The following HRAS variants were observed in gnomAD, a reference collection of about 807,000 sequenced individuals.
The protein encoded by HRAS is HRas proto-oncogene, GTPase, also known as GTPase HRas.
HRAS carries 11 observed loss-of-function variants against 19.8 expected under a neutral mutation model. That is an observed-to-expected ratio of 0.55 (90% CI 0.35 to 0.92). The LOEUF (loss-of-function observed/expected upper bound fraction) is 0.92, where lower values mean the gene tolerates loss of function less well. HRAS is among the 40% of genes least tolerant of loss of function. The pLI is 0.01. For missense variants in HRAS, 204 were observed against 255.9 expected (o/e 0.80, Z 1.38); for synonymous variants, 149 against 105.5 (o/e 1.41, Z -2.52).
At position 535,502 on chromosome 11, in the gene HRAS, C is replaced by A. The variant is rs1361088774; in HGVS notation, c.-140G>T. On this transcript the variant is annotated 5_prime_UTR_variant, in exon 1 of 6. The change abolishes an upstream ATG in the 5' untranslated region. Transcript: ENST00000311189. The stretch of plus-strand genomic sequence containing the variant: ...GCGGGGGCGCGCGGTTCGCCCCGCG[C>A]ATGGGCTCCGTCCGCGGCGGGTGCG... The A allele has an allele frequency of 1.4e-5, 2 of 147,768 alleles. No homozygotes were observed. The highest frequency in any genetic ancestry group is 2.4e-5 in the African/African-American group (1 of 40,898). The allele number at this position is 147,768 out of a possible 1,614,324, so 9.2% of individuals were successfully genotyped here.
rs2133990837 is a variant in HRAS, at chr11:533,860, C to T, written c.196G>A (p.Ala66Thr). Residue 66 changes from alanine (A) to threonine (T), a missense_variant, in exon 3 of 6, where the codon GCC becomes ACC. Around this residue, in one of 4 missense-constraint regions of HRAS, gnomAD observed 51 missense variants for 79.0 expected, o/e 0.65. Coordinates refer to ENST00000311189, the MANE Select transcript of HRAS (RefSeq NM_005343.4). ...LDTAGQEEYS[A>T]MRDQYMRTGE... ...GTGCGCATGTACTGGTCCCGCATGG[C>T]GCTGTACTCCTCCTGGCCGGCGGTA... 1.9e-6 allele frequency: 3 copies of T among 1,613,334 alleles called. No individual in the cohort carries two copies. Among genetic ancestry groups the T allele is most frequent in the Non-Finnish European group, 2.5e-6 (3 of 1,179,984 alleles).
intron 5 of HRAS, 37 bp downstream of exon 5, chr11:532,594 C>A: frequency 6.3e-7 from 1 of 1,595,834 alleles, no homozygotes; most frequent in Non-Finnish European, 8.5e-7. Flanking sequence ...CGGGGTCATC[C>A]GGTGGGCGTG....
intron 1 of HRAS, chr11:535,192 C>T (rs1423457517): frequency 1.3e-5 from 2 of 151,434 alleles, no homozygotes; most frequent in African/African-American, 4.8e-5. Context: ...GGGTGGGGCC[C>T]GGATTCCCGC....
rs1432150876 is a variant in HRAS at position 533,464 on chromosome 11, T to A, written c.439A>T (p.Lys147Ter). ...YGIPYIETSA[K>*]TRQGVEDAFY... Reference sequence around the variant, plus strand: ...GAGAGCTGCCTCACCTGCCGGGTCTTGGCCGAGGTCTCGATGTAGGGGATG... The same window carrying A: ...GAGAGCTGCCTCACCTGCCGGGTCTAGGCCGAGGTCTCGATGTAGGGGATG... Residue 147 changes from lysine to a stop codon, truncating the protein, a stop_gained, in exon 4 of 6, where the codon AAG (lysine) becomes TAG (stop). Coordinates refer to ENST00000311189, the MANE Select transcript of HRAS (RefSeq NM_005343.4). LOFTEE classifies it high-confidence loss of function. The A allele has an allele frequency of 1.2e-6, 2 of 1,613,142 alleles. No individual in the cohort carries two copies. Among genetic ancestry groups the A allele is most frequent in the Non-Finnish European group, 1.7e-6 (2 of 1,179,942 alleles).
At chr11:534,544 G>T in intron 1 of HRAS, 169 bp from the exon 2 acceptor site, 1 of 595,194 alleles carries the variant, frequency 1.7e-6, no homozygotes, top group East Asian at 2.8e-5. Flanking sequence ...CAGCGTGCGG[G>T]AGGGCTGTCG....
chr11:533,171 A>C, intron 4 of HRAS: 2 of 1,066,594 alleles, frequency 1.9e-6, no homozygotes, highest in Non-Finnish European at 2.7e-6. Context: ...AGCTCTCCCC[A>C]AGGACCTCCG....
rs1452785982 is a variant in HRAS, at chr11:534,369, G to C, written c.-47C>G. On this transcript the variant is annotated 5_prime_UTR_variant, in exon 2 of 6. Coordinates refer to ENST00000311189, the MANE Select transcript of HRAS (RefSeq NM_005343.4). ...CCGGGGTCCTCCTACAGGGTCTCCT[G>C]CCCCACCTGCCAAGGAGGGCCCTGC... The C allele has an allele frequency of 6.8e-7, 1 of 1,468,662 alleles. No individual in the cohort carries two copies. Among genetic ancestry groups the C allele is most frequent in the Admixed American group, 1.7e-5 (1 of 57,996 alleles). 91.0% of individuals were successfully genotyped at this position (1,468,662 alleles called of 1,614,324 possible).
Position 532,433 on chromosome 11 carries a change from T to C in HRAS, c.*95A>G. 2 of 698,362 alleles carry C rather than the reference T, an allele frequency of 2.9e-6. No homozygotes were observed. Among genetic ancestry groups the C allele is most frequent in the Non-Finnish European group, 4.7e-6 (2 of 424,008 alleles). 43.3% of individuals were successfully genotyped at this position (698,362 alleles called of 1,614,324 possible). ...CGGGGTGACTGGGCTCCAGCAGCCC[T>C]TCCTTCCTTCCTTGCTTCCGTCCTT... On this transcript the variant is annotated 3_prime_UTR_variant, in exon 6 of 6. Coordinates refer to ENST00000311189, the MANE Select transcript of HRAS (RefSeq NM_005343.4).
chr11:532,816 G>A (rs2133983038), intron 4 of HRAS, 61 bp from the exon 5 acceptor site: 1 of 1,540,502 alleles, frequency 6.5e-7, no homozygotes, highest in South Asian at 1.1e-5. Flanking sequence ...TGGGTGAGGG[G>A]CTCCCTGCTG....
At position 533,884 on chromosome 11, in the gene HRAS, T is replaced by G. The variant is rs770492627; in HGVS notation, c.172A>C (p.Thr58Pro). Reference sequence around the variant, plus strand: ...GCGCTGTACTCCTCCTGGCCGGCGGTATCCAGGATGTCCAACAGGCACGTC... The same window carrying G: ...GCGCTGTACTCCTCCTGGCCGGCGGGATCCAGGATGTCCAACAGGCACGTC... Reference protein sequence around the residue: ...GETCLLDILDTAGQEEYSAMR... With the variant: ...GETCLLDILDPAGQEEYSAMR... The change falls in exon 3 of 6, where the codon ACC (threonine) becomes CCC (proline). Residue 58 changes from threonine (T) to proline (P), a missense_variant. Thr to Pro is a conservative substitution (Grantham distance 38). Coordinates refer to ENST00000311189, the MANE Select transcript of HRAS (RefSeq NM_005343.4). 1.2e-6 allele frequency: 2 copies of G among 1,613,260 alleles called. No individual in the cohort carries two copies. The highest frequency in any genetic ancestry group is 1.7e-6 in the Non-Finnish European group (2 of 1,179,942).
At chr11:533,417 G>A (rs776562293) in intron 4 of HRAS, 36 bp downstream of exon 4, 6 of 1,607,408 alleles carry the variant, frequency 3.7e-6, no homozygotes, top group East Asian at 4.5e-5. Flanking sequence ...GGCGGGGCGG[G>A]TCCCTGGCTA....
Position 532,688 on chromosome 11 carries a change from G to A in HRAS, c.518C>T (p.Pro173Leu), listed in dbSNP as rs1171786943. ...GCAGCCGGGGCCACTCTCATCAGGA[G>A]GGTTCAGCTTCCGCAGCTTGTGCTG... Reference protein sequence around the residue: ...IRQHKLRKLNPPDESGPGCMS... With the variant: ...IRQHKLRKLNLPDESGPGCMS... Residue 173 changes from proline to leucine, a missense_variant, in exon 5 of 6, where the codon CCT becomes CTT. By Grantham distance (98) the Pro-to-Leu change is moderately conservative. This residue lies in a region of HRAS where 142 missense variants were observed against 141.1 expected (regional missense o/e 1.01). Coordinates refer to ENST00000311189, the MANE Select transcript of HRAS (RefSeq NM_005343.4). The A allele has an allele frequency of 1.2e-6, 2 of 1,613,182 alleles. No homozygotes were observed. The highest frequency in any genetic ancestry group is 2.2e-5 in the East Asian group (1 of 44,884).
chr11:534,486 A>C, intron 1 of HRAS, 111 bp from the exon 2 acceptor site: 1 of 627,012 alleles, frequency 1.6e-6, no homozygotes, highest in Non-Finnish European at 2.8e-6. Context: ...CTGGGCCCCA[A>C]CGCCAGGCAG....
In HRAS at chr11:533,609, C is replaced by T. The variant is rs1230645747; in HGVS notation, c.294G>A (p.Glu98=). ...CCGAGTCCTTCACCCGTTTGATCTG[C>T]TCCCTGAGAGGTGGAAAGCGAGAGC... The part of the protein sequence containing the change: ...KSFEDIHQYR[E]QIKRVKDSDD... Residue 98 remains glutamate, a synonymous_variant, in exon 4 of 6, where the codon GAG becomes GAA. Coordinates refer to ENST00000311189, the MANE Select transcript of HRAS (RefSeq NM_005343.4). 2.5e-6 allele frequency: 4 copies of T among 1,613,810 alleles called. No individual in the cohort carries two copies. The highest frequency in any genetic ancestry group is 2.7e-5 in the African/African-American group (2 of 75,048).
chr11:535,403 T>G lies in HRAS; in HGVS notation c.-54+13A>C, dbSNP rs1851429455. The G allele has an allele frequency of 6.9e-6, 1 of 145,968 alleles. No individual in the cohort carries two copies. The highest frequency in any genetic ancestry group is 6.8e-5 in the Admixed American group (1 of 14,670). 9.0% of individuals were successfully genotyped at this position (145,968 alleles called of 1,614,324 possible). Reference sequence around the variant, plus strand: ...GAGGGCGCGCGGCCCGGCCGATCCCTGCCCGCACTCACCGTTCACAGGCGC... The same window carrying G: ...GAGGGCGCGCGGCCCGGCCGATCCCGGCCCGCACTCACCGTTCACAGGCGC... On this transcript the variant is annotated intron_variant, in intron 1 of 5. Transcript: ENST00000311189.
intron 2 of HRAS, 45 bp from the exon 3 acceptor site, chr11:533,989 G>A (rs745342495): frequency 6.3e-7 from 1 of 1,591,288 alleles, no homozygotes. Flanking sequence ...ACCTTCCGTG[G>A]GGGGAGTTCA....
At chr11:534,440 G>A (rs969273308) in intron 1 of HRAS, 65 bp from the exon 2 acceptor site, 19 of 804,176 alleles carry the variant, frequency 2.4e-5, no homozygotes, top group South Asian at 6.1e-5. Flanking sequence ...GGCAGCTGCT[G>A]GCAGGGCCAT....
chr11:534,009 C>T (rs2133992617), intron 2 of HRAS, 65 bp from the exon 3 acceptor site: 2 of 1,544,254 alleles, frequency 1.3e-6, no homozygotes, highest in Non-Finnish European at 1.8e-6. Context: ...ACACAGCCAG[C>T]CTCTCCCTGG....
rs1204223913 is a variant in HRAS at position 533,574 on chromosome 11, G to A, written c.329C>T (p.Pro110Leu). The A allele has an allele frequency of 1.2e-6, 2 of 1,613,752 alleles. No individual in the cohort carries two copies. The highest frequency in any genetic ancestry group is 1.7e-6 in the Non-Finnish European group (2 of 1,180,006). Residue 110 changes from proline to leucine, a missense_variant, in exon 4 of 6, where the codon CCC (proline) becomes CTC (leucine). Physicochemically the swap from Pro to Leu is moderately conservative, Grantham distance 98 (BLOSUM62 -3). Around this residue, in one of 4 missense-constraint regions of HRAS, gnomAD observed 142 missense variants for 141.1 expected, o/e 1.01. Transcript: ENST00000311189. ...IKRVKDSDDVPMVLVGNKCDL... is the reference protein window; with the variant it reads ...IKRVKDSDDVLMVLVGNKCDL... The stretch of plus-strand genomic sequence containing the variant: ...ACACTTGTTCCCCACCAGCACCATG[G>A]GCACGTCATCCGAGTCCTTCACCCG...
Sources: gnomAD v4.1 joint callset for allele counts on GRCh38, gnomAD v4.1.1 for gene constraint, gnomAD v4.1.1 regional missense constraint, MANE v1.5 for transcripts, NCBI Gene and HGNC (gene_info 2026-07-23, HGNC 2026-07-21) for gene names.